QRICH1: variants seen among roughly 807,000 people sequenced by gnomAD.
QRICH1 encodes glutamine rich 1.
Under a neutral mutation model 87.1 loss-of-function variants are expected in QRICH1, and 16 were observed. The ratio of observed to expected loss-of-function variants is 0.18; its 90% CI spans 0.12 to 0.28. The LOEUF (loss-of-function observed/expected upper bound fraction) is 0.28. Among genes scored for constraint, QRICH1 ranks in the 10% least tolerant of loss-of-function variants. The pLI, the probability that QRICH1 is intolerant of heterozygous loss-of-function variation, is 1.00. For missense variants in QRICH1, 647 were observed against 951.7 expected, an observed-to-expected ratio of 0.68 and a Z score of 4.21; for synonymous variants, 367 against 368.4, an observed-to-expected ratio of 1.00 and a Z score of 0.05.
intron 1 of QRICH1, among the ~76,000 whole-genome samples, chr3:49,087,843 C>G (rs746791774): frequency 1.4e-5 from 1 of 70,634 alleles, no homozygotes; most frequent in African/African-American, 4.8e-5. Context: ...AAAAAAAGAA[C>G]AATGTCTTCT....
At chr3:49,061,766 T>C (rs185922340) in intron 2 of QRICH1, among the ~76,000 whole-genome samples, 1 of 151,934 alleles carries the variant, frequency 6.6e-6, no homozygotes, top group Non-Finnish European at 1.5e-5. Flanking sequence ...GCAGGTGAAC[T>C]ACTAAACCCA....
intron 6 of QRICH1, among the ~76,000 whole-genome samples, chr3:49,038,586 TG>T (rs1398707948): frequency 2.6e-5 from 4 of 152,194 alleles, no homozygotes; most frequent in Admixed American, 1.3e-4. Context: ...AGCTAATTTT[TG>T]TAATTTTTTT....
intron 3 of QRICH1, among the ~76,000 whole-genome samples, chr3:49,055,445 A>G (rs538230447): frequency 1.2e-3 from 179 of 152,162 alleles, no homozygotes; most frequent in Non-Finnish European, 2.1e-3. Flanking sequence ...CAATGGCATG[A>G]TCATAGTAGC....
chr3:49,064,955 T>A (rs2093458728), intron 2 of QRICH1, among the ~76,000 whole-genome samples: 2 of 152,164 alleles, frequency 1.3e-5, no homozygotes, highest in South Asian at 4.1e-4. Flanking sequence ...AGGCAGAGGT[T>A]GCAGTGAGCG....
intron 2 of QRICH1, among the ~76,000 whole-genome samples, chr3:49,073,431 T>A (rs1437555972): frequency 6.6e-6 from 1 of 150,844 alleles, no homozygotes; most frequent in Admixed American, 6.6e-5. Flanking sequence ...TCCCACCTAC[T>A]CAGGAGGTTG....
chr3:49,068,795 A>AT (rs942852865), intron 2 of QRICH1, among the ~76,000 whole-genome samples: 15 of 150,902 alleles, frequency 9.9e-5, no homozygotes, highest in Non-Finnish European at 1.8e-4. Flanking sequence ...TGCCTGGCCA[A>AT]TTTTTTGTAT....
chr3:49,090,040 C>A (rs147835373), intron 1 of QRICH1, among the ~76,000 whole-genome samples: 1 of 152,290 alleles, frequency 6.6e-6, no homozygotes, highest in Non-Finnish European at 1.5e-5. Flanking sequence ...CATGGGCGGG[C>A]GCAGTGGCTC....
chr3:49,085,640 C>A (rs2042154504), intron 1 of QRICH1, among the ~76,000 whole-genome samples: 1 of 151,962 alleles, frequency 6.6e-6, no homozygotes, highest in Middle Eastern at 3.4e-3. Flanking sequence ...TGCCTGTAAT[C>A]CCAGCTACTC....
rs1222623255 is a variant in QRICH1 at position 49,044,453 on chromosome 3, C to T, written c.1723G>A (p.Val575Ile). 1 of 1,613,752 alleles carries T rather than the reference C, an allele frequency of 6.2e-7. No homozygotes were observed. The highest frequency in any genetic ancestry group is 1.7e-5 in the Admixed American group (1 of 59,952). The change falls in exon 6 of 10, where the codon GTT (valine) becomes ATT (isoleucine). Residue 575 changes from valine to isoleucine, a missense_variant. Physicochemically the swap from Val to Ile is conservative, Grantham distance 29 (BLOSUM62 3). Transcript: ENST00000395443. ...VDDIFSDLYY[V>I]RFTEWLHEVL... ...TCATGTAGCCACTCCGTGAACCGAA[C>T]ATAATAAAGATCGGAGAAAATGTCA...
chr3:49,090,322 G>T (rs1344730284), intron 1 of QRICH1, among the ~76,000 whole-genome samples: 1 of 152,218 alleles, frequency 6.6e-6, no homozygotes, highest in South Asian at 2.1e-4. Flanking sequence ...AGCCGGGCAT[G>T]GTGGCAGGCA....
intron 8 of QRICH1, 108 bp from the exon 9 acceptor site, chr3:49,032,381 G>C: frequency 1.1e-6 from 1 of 893,524 alleles, no homozygotes; most frequent in Non-Finnish European, 1.8e-6. Context: ...GAAATACAGG[G>C]TCGGGGGAGG....
chr3:49,044,024 T>C (rs555734494), intron 6 of QRICH1, among the ~76,000 whole-genome samples: 48 of 152,264 alleles, frequency 3.2e-4, no homozygotes, highest in South Asian at 6.2e-4. Context: ...TTTGTTCCAA[T>C]AGAACATGCT....
At chr3:49,050,355 A>C (rs1353684969) in intron 3 of QRICH1, among the ~76,000 whole-genome samples, 7 of 143,322 alleles carry the variant, frequency 4.9e-5, no homozygotes, top group Non-Finnish European at 4.5e-5. Flanking sequence ...CCTGGGAGGC[A>C]GAGGTTGCAG....
rs539745468 is a variant in QRICH1, at chr3:49,082,768, G to A, written c.-21-5730C>T. ...AAATTACCCTGGCGTGGTGGCAGGC[G>A]CCTGTAGTCCCAGCTACTCGGGAGG... On this transcript the variant is annotated intron_variant, in intron 1 of 9. Transcript: ENST00000395443. 5.3e-5 allele frequency among the ~76,000 whole-genome samples: 8 copies of A among 151,786 alleles called. No homozygotes were observed. The South Asian group carries it at 1.5e-3, about 28-fold the overall frequency.
chr3:49,081,731 G>A (rs957083898), intron 1 of QRICH1, among the ~76,000 whole-genome samples: 1 of 152,004 alleles, frequency 6.6e-6, no homozygotes, highest in African/African-American at 2.4e-5. Flanking sequence ...AAACTCCTGG[G>A]CTCAAGAGAT....
At chr3:49,067,157 ACCT>A (rs2093473384) in intron 2 of QRICH1, among the ~76,000 whole-genome samples, 1 of 152,092 alleles carries the variant, frequency 6.6e-6, no homozygotes, top group Admixed American at 6.6e-5. Context: ...CTCCCAATCC[ACCT>A]CCTAAGTGGT....
chr3:49,091,002 C>T (rs766237130), intron 1 of QRICH1, among the ~76,000 whole-genome samples: 3 of 152,098 alleles, frequency 2.0e-5, no homozygotes, highest in Non-Finnish European at 4.4e-5. Context: ...GTGGGAGGAT[C>T]CCGAGGTCAG....
In QRICH1 at chr3:49,046,542, G is replaced by A; in HGVS notation, c.1554C>T (p.Ser518=). The change falls in exon 5 of 10, where the codon TCC becomes TCT. Residue 518 remains serine (S), a synonymous_variant. Coordinates refer to ENST00000395443, the MANE Select transcript of QRICH1 (RefSeq NM_198880.3). ...QLLRFQEDLI[S]SAVAELNYGL... ...CATAATTCAACTCTGCCACAGCAGA[G>A]GAGATGAGATCTTCCTGGAATCGCA... is the stretch of plus-strand genomic sequence containing the variant. 6.2e-7 allele frequency: 1 copy of A among 1,613,706 alleles called. No homozygotes were observed.
intron 3 of QRICH1, among the ~76,000 whole-genome samples, chr3:49,049,205 T>C (rs1266073252): frequency 1.3e-5 from 2 of 151,082 alleles, no homozygotes; most frequent in African/African-American, 4.9e-5. Flanking sequence ...TGCCTGGCCT[T>C]CCCAGGTGAT....
Sources: allele counts gnomAD v4.1 joint callset (sites outside exome capture counted in the v4.1 genomes callset), GRCh38; gene constraint gnomAD v4.1.1; transcripts MANE v1.5; gene names NCBI Gene and HGNC (gene_info 2026-07-23, HGNC 2026-07-21).